HSP90B1: variants seen among roughly 807,000 people sequenced by gnomAD.
The protein encoded by HSP90B1 is heat shock protein 90 beta family member 1.
Under a neutral mutation model 100.4 loss-of-function variants are expected in HSP90B1, and 27 were observed. The observed-to-expected ratio is 0.27, with a 90% CI of 0.20 to 0.37. The LOEUF (loss-of-function observed/expected upper bound fraction) is 0.37, where lower values mean the gene tolerates loss of function less well. Ranked by LOEUF, HSP90B1 falls within the 10% of genes least tolerant of loss-of-function variation. The pLI, the probability that HSP90B1 is intolerant of heterozygous loss-of-function variation, is 1.00. For missense variants in HSP90B1, 678 were observed against 960.5 expected (o/e 0.71, Z 3.89); for synonymous variants, 304 against 330.8 (o/e 0.92, Z 0.88).
intron 14 of HSP90B1, among the ~76,000 whole-genome samples, chr12:103,946,291 C>T (rs1463532525): frequency 6.6e-6 from 1 of 152,130 alleles, no homozygotes. Context: ...CTGCCAAAAT[C>T]CACAAATATT....
At chr12:103,931,689 C>CTTGGAGAAGAGAG in intron 2 of HSP90B1, 66 bp downstream of exon 2, 1 of 1,104,040 alleles carries the variant, frequency 9.1e-7, no homozygotes, top group Non-Finnish European at 1.4e-6. Context: ...ACGGTCACTT[C>CTTGGAGAAGAGAG]TTATGTATCT....
At chr12:103,934,566 G>A (rs1869856540) in intron 5 of HSP90B1, among the ~76,000 whole-genome samples, 1 of 152,220 alleles carries the variant, frequency 6.6e-6, no homozygotes, top group Non-Finnish European at 1.5e-5. Context: ...AGGAGGCACT[G>A]CTTGGTCAGT....
rs779943844 is a variant in HSP90B1, at chr12:103,937,774, A to T, written c.823A>T (p.Ile275Leu). 1 of 1,570,268 alleles carries T rather than the reference A, an allele frequency of 6.4e-7. No homozygotes were observed. Among genetic ancestry groups the T allele is most frequent in the Admixed American group, 1.7e-5 (1 of 59,814 alleles). ...TCTCGTCAAAAAATATTCACAGTTC[A>T]TAAACTTTCCTATTTATGTATGGAG... Reference protein sequence around the residue: ...KNLVKKYSQFINFPIYVWSSK... With the variant: ...KNLVKKYSQFLNFPIYVWSSK... The change falls in exon 6 of 18, where the codon ATA becomes TTA. Residue 275 changes from isoleucine to leucine, a missense_variant. By Grantham distance (5) the Ile-to-Leu change is conservative. Transcript: ENST00000299767.
At position 103,943,799 on chromosome 12, in the gene HSP90B1, A is replaced by G; in HGVS notation, c.1952A>G (p.Gln651Arg). ...TCTCCGTGTGCTTTGGTGGCCAGCCAGTACGGATGGTCTGGCAACATGGAG... is the reference window on the plus strand; with the variant it reads ...TCTCCGTGTGCTTTGGTGGCCAGCCGGTACGGATGGTCTGGCAACATGGAG... ...TESPCALVAS[Q>R]YGWSGNMERI... The change falls in exon 14 of 18, where the codon CAG becomes CGG. Residue 651 changes from glutamine (Q) to arginine (R), a missense_variant. Gln to Arg is a conservative substitution (Grantham distance 43). This residue lies in a region of HSP90B1 where 170 missense variants were observed against 236.7 expected (regional missense o/e 0.72). Transcript: ENST00000299767. The surrounding 1 kb of genome is among the most constrained non-coding windows in gnomAD (Gnocchi z 5.3). The G allele has an allele frequency of 6.2e-7, 1 of 1,614,126 alleles. No individual in the cohort carries two copies. The highest frequency in any genetic ancestry group is 8.5e-7 in the Non-Finnish European group (1 of 1,179,956).
intron 12 of HSP90B1, 91 bp downstream of exon 12, chr12:103,942,887 T>C (rs1870119129): frequency 4.7e-6 from 7 of 1,496,304 alleles, no homozygotes; most frequent in Non-Finnish European, 6.4e-6. Context: ...GAAAACTTAA[T>C]TGTGTAACTG....
chr12:103,933,817 A>G lies in HSP90B1; in HGVS notation c.412-139A>G, dbSNP rs1387733389. Reference sequence around the variant, plus strand: ...TGTACACTTTCAGAAAAGGCCATAAAAAACTATGTGGAGGAAAATATCTCA... The same window carrying G: ...TGTACACTTTCAGAAAAGGCCATAAGAAACTATGTGGAGGAAAATATCTCA... On this transcript the variant is annotated intron_variant, in intron 4 of 17. Transcript: ENST00000299767. 4 of 660,426 alleles carry G rather than the reference A, an allele frequency of 6.1e-6. No homozygotes were observed. In the Admixed American group the frequency reaches 1.2e-4, roughly 20 times the overall value. 40.9% of individuals were successfully genotyped at this position (660,426 alleles called of 1,614,324 possible). A position where few individuals can be genotyped will look rare whatever the true frequency, so the allele number is the denominator to read the frequency against.
intron 14 of HSP90B1, among the ~76,000 whole-genome samples, chr12:103,946,000 A>C (rs1857937855): frequency 6.6e-6 from 1 of 152,106 alleles, no homozygotes; most frequent in African/African-American, 2.4e-5. Flanking sequence ...TGGATACCAA[A>C]ATCCACACAT....
At position 103,932,259 on chromosome 12, in the gene HSP90B1, C is replaced by T. The variant is rs2136212382; in HGVS notation, c.153-18C>T. The T allele has an allele frequency of 6.3e-7, 1 of 1,595,676 alleles. No homozygotes were observed. Among genetic ancestry groups the T allele is most frequent in the Non-Finnish European group, 8.5e-7 (1 of 1,171,430 alleles). On this transcript the variant is annotated intron_variant, in intron 2 of 17. Transcript: ENST00000299767. ...AACTATGCCATGCAATATTTGCTTA[C>T]CTAACTGATTTCCTTAGAGAGGAAG...
rs563135509 is a variant in HSP90B1 at position 103,941,734 on chromosome 12, G to A, written c.1308+28G>A. On this transcript the variant is annotated intron_variant, in intron 10 of 17. Transcript: ENST00000299767. Reference sequence around the variant, plus strand: ...AAGTATCTGAAGTTTGGGAGAAGGGGTGATTGTTGTGGGGGTCTGGCAGTG... The same window carrying A: ...AAGTATCTGAAGTTTGGGAGAAGGGATGATTGTTGTGGGGGTCTGGCAGTG... 2.4e-5 allele frequency: 38 copies of A among 1,607,942 alleles called. No homozygotes were observed. The South Asian group carries it at 4.0e-4, about 17-fold the overall frequency.
intron 4 of HSP90B1, 61 bp from the exon 5 acceptor site, chr12:103,933,888 TTCCTCAA>T: frequency 1.6e-6 from 2 of 1,281,938 alleles, no homozygotes; most frequent in Non-Finnish European, 2.2e-6. Context: ...AGCTGGTTAG[TTCCTCAA>T]TATTTGTTTG....
At chr12:103,942,843 G>A in intron 12 of HSP90B1, 47 bp downstream of exon 12, 1 of 1,600,502 alleles carries the variant, frequency 6.2e-7, no homozygotes, top group Non-Finnish European at 8.5e-7. Flanking sequence ...AAGGTAGCTA[G>A]GGATTTATAG....
intron 5 of HSP90B1, among the ~76,000 whole-genome samples, chr12:103,936,622 C>CA (rs10611658): frequency 3.5e-4 from 41 of 116,784 alleles, no homozygotes; most frequent in Middle Eastern, 4.4e-3. Flanking sequence ...GACAGAGGTC[C>CA]AAAAAAAAAA....
intron 12 of HSP90B1, 111 bp downstream of exon 12, chr12:103,942,907 T>C: frequency 3.5e-6 from 5 of 1,437,614 alleles, no homozygotes; most frequent in South Asian, 2.6e-5. Context: ...GGAGTAGTTA[T>C]AAGGCCTGGT....
chr12:103,934,843 A>G (rs1869864897), intron 5 of HSP90B1, among the ~76,000 whole-genome samples: 2 of 152,214 alleles, frequency 1.3e-5, no homozygotes, highest in Admixed American at 6.5e-5. Flanking sequence ...CTGGGATTAC[A>G]GGCATGTGCC....
intron 17 of HSP90B1, 83 bp downstream of exon 17, chr12:103,947,513 GTGTAACT>G: frequency 6.2e-7 from 1 of 1,608,284 alleles, no homozygotes; most frequent in Non-Finnish European, 8.5e-7. Context: ...AGTTAAGACT[GTGTAACT>G]TACAGAAGTC....
chr12:103,940,864 T>C (rs1411933293), intron 8 of HSP90B1, among the ~76,000 whole-genome samples: 1 of 152,212 alleles, frequency 6.6e-6, no homozygotes, highest in Non-Finnish European at 1.5e-5. Context: ...TAATAGCACA[T>C]CTGAATTTGA....
At position 103,943,189 on chromosome 12, in the gene HSP90B1, G is replaced by C. The variant is rs1870127697; in HGVS notation, c.1760G>C (p.Arg587Thr). ...IQALPEFDGK[R>T]FQNVAKEGVK... ...GCCCTTCCCGAATTTGATGGGAAGAGGTTCCAGAATGTTGCCAAGGAAGGA... is the reference window on the plus strand; with the variant it reads ...GCCCTTCCCGAATTTGATGGGAAGACGTTCCAGAATGTTGCCAAGGAAGGA... The change falls in exon 13 of 18, where the codon AGG (arginine) becomes ACG (threonine). Residue 587 changes from arginine to threonine, a missense_variant. This residue lies in a region of HSP90B1 where 170 missense variants were observed against 236.7 expected (regional missense o/e 0.72). Coordinates refer to ENST00000299767, the MANE Select transcript of HSP90B1 (RefSeq NM_003299.3). This position sits in a 1 kb window ranked among gnomAD's most constrained non-coding sequence, Gnocchi z 5.3. The C allele has an allele frequency of 6.2e-7, 1 of 1,614,048 alleles. No homozygotes were observed. The highest frequency in any genetic ancestry group is 1.3e-5 in the African/African-American group (1 of 74,932).
intron 2 of HSP90B1, 41 bp downstream of exon 2, chr12:103,931,664 TG>T (rs756248419): frequency 3.6e-5 from 50 of 1,394,544 alleles, no homozygotes; most frequent in Non-Finnish European, 4.9e-5. Flanking sequence ...ATAAGCCGTG[TG>T]AACCTTGTGA....
rs1384849663 is a variant in HSP90B1 at position 103,930,584 on chromosome 12, C to T, written c.49+20C>T. The T allele has an allele frequency of 6.2e-7, 1 of 1,601,226 alleles. No homozygotes were observed. Among genetic ancestry groups the T allele is most frequent in the Non-Finnish European group, 8.5e-7 (1 of 1,174,782 alleles). ...CCTTCGGTGAGTGATTCTGGAGGAG[C>T]AGACGTCCCCCCTCCACACACGCGG... On this transcript the variant is annotated intron_variant, in intron 1 of 17. Transcript: ENST00000299767. The surrounding 1 kb of genome is among the most constrained non-coding windows in gnomAD (Gnocchi z 4.4).
Sources: gnomAD v4.1 joint callset for allele counts (sites outside exome capture counted in the v4.1 genomes callset) on GRCh38, gnomAD v4.1.1 for gene constraint, gnomAD v4.1.1 regional missense constraint, Gnocchi (gnomAD v3.1) non-coding constraint, MANE v1.5 for transcripts, NCBI Gene and HGNC (gene_info 2026-07-23, HGNC 2026-07-21) for gene names.